KCP: variants seen among roughly 807,000 people sequenced by gnomAD.
The protein encoded by KCP is kielin/chordin-like protein.
In KCP, 194 loss-of-function variants were observed where a neutral mutation model predicts 212.7. That is an observed-to-expected ratio of 0.91 (90% CI 0.81 to 1.03). The LOEUF is 1.03. Among genes scored for constraint, KCP ranks in the 50% least tolerant of loss-of-function variants. The pLI, the probability that KCP is intolerant of heterozygous loss-of-function variation, is 0.00. For missense variants in KCP, 2,080 were observed against 2,162.5 expected, an observed-to-expected ratio of 0.96 and a Z score of 0.76; for synonymous variants, 833 against 865.3, an observed-to-expected ratio of 0.96 and a Z score of 0.65.
At position 128,892,549 on chromosome 7, in the gene KCP, T is replaced by C; in HGVS notation, c.1586A>G (p.Gln529Arg). The C allele has an allele frequency of 6.5e-7, 1 of 1,548,074 alleles. No individual in the cohort carries two copies. Among genetic ancestry groups the C allele is most frequent in the Non-Finnish European group, 8.7e-7 (1 of 1,144,852 alleles). ...GGGGCAACACTGGCCTGGTCCACTC[T>C]GGGGCCTGGCACAGGTCGTGGGAGG... Reference protein sequence around the residue: ...DCPPTTCARPQSGPGQCCPRC... With the variant: ...DCPPTTCARPRSGPGQCCPRC... The change falls in exon 16 of 40, where the codon CAG (glutamine) becomes CGG (arginine). Residue 529 changes from glutamine to arginine, a missense_variant. By Grantham distance (43) the Gln-to-Arg change is conservative (BLOSUM62 1). Coordinates refer to ENST00000610776, the MANE Select transcript of KCP (RefSeq NM_001366122.1).
intron 1 of KCP, among the ~76,000 whole-genome samples, chr7:128,910,330 C>G (rs1795365563): frequency 6.6e-6 from 1 of 152,228 alleles, no homozygotes; most frequent in African/African-American, 2.4e-5. Flanking sequence ...AAATAATTAA[C>G]TTCAGACTCC....
Position 128,881,968 on chromosome 7 carries a change from G to T in KCP, c.3293C>A (p.Pro1098Gln). 1 of 1,551,362 alleles carries T rather than the reference G, an allele frequency of 6.4e-7. No individual in the cohort carries two copies. The highest frequency in any genetic ancestry group is 1.4e-5 in the African/African-American group (1 of 73,132). Residue 1098 changes from proline to glutamine, a missense_variant, in exon 30 of 40, where the codon CCA becomes CAA. Coordinates refer to ENST00000610776, the MANE Select transcript of KCP (RefSeq NM_001366122.1). ...SEGLLGSELAPPDPCYTCQCQ... is the reference protein window; with the variant it reads ...SEGLLGSELAQPDPCYTCQCQ... ...CTGGCACGTGTAGCAGGGGTCTGGT[G>T]GGGCTAGCTCAGATCCCAGCAGGCC... is the stretch of plus-strand genomic sequence containing the variant.
chr7:128,893,197 G>A, intron 13 of KCP, 41 bp downstream of exon 13: 4 of 1,536,724 alleles, frequency 2.6e-6, no homozygotes, highest in Non-Finnish European at 3.5e-6. Context: ...GCCCTCAGAG[G>A]CAGCGCCCAT....
chr7:128,892,530 AC>A lies in KCP; in HGVS notation c.1604del (p.Cys535PhefsTer92). On this transcript the variant is annotated frameshift_variant, in exon 16 of 40. Coordinates refer to ENST00000610776, the MANE Select transcript of KCP (RefSeq NM_001366122.1). LOFTEE classifies it high-confidence loss of function. ...CARPQSGPGQ[C>X]CPRCPDCILE... ...CCCACATACCTGGGCACCTGGGGCA[AC>A]ACTGGCCTGGTCCACTCTGGGGCCT... The A allele has an allele frequency of 1.3e-6, 2 of 1,539,190 alleles. No homozygotes were observed. The highest frequency in any genetic ancestry group is 2.4e-5 in the South Asian group (2 of 81,848).
chr7:128,894,026 T>C lies in KCP; in HGVS notation c.955A>G (p.Ser319Gly). Residue 319 changes from serine (S) to glycine (G), a missense_variant, in exon 10 of 40, where the codon AGC (serine) becomes GGC (glycine). Coordinates refer to ENST00000610776, the MANE Select transcript of KCP (RefSeq NM_001366122.1). ...GCFLNGREHR[S>G]GEPVGSGDPC... ...TCCCCTGAGCCCACAGGCTCCCCGC[T>C]GCGGTGCTCCCGCCCGTTTAGGAAA... 1 of 1,550,106 alleles carries C rather than the reference T, an allele frequency of 6.5e-7. No individual in the cohort carries two copies. The highest frequency in any genetic ancestry group is 8.7e-7 in the Non-Finnish European group (1 of 1,146,416).
intron 21 of KCP, chr7:128,890,043 C>T: frequency 2.5e-6 from 1 of 405,778 alleles, no homozygotes; most frequent in South Asian, 2.4e-5. Context: ...CCACCTCAGC[C>T]TCCGGAGTAG....
At position 128,894,191 on chromosome 7, in the gene KCP, C is replaced by A; in HGVS notation, c.925+9G>T. ...CATGGTCAGGCCTCTGCCCTACCCA[C>A]TGACTCACCATCACACACAGGGCAG... is the stretch of plus-strand genomic sequence containing the variant. On this transcript the variant is annotated intron_variant, in intron 9 of 39. Coordinates refer to ENST00000610776, the MANE Select transcript of KCP (RefSeq NM_001366122.1). 6.6e-7 allele frequency: 1 copy of A among 1,520,648 alleles called. No individual in the cohort carries two copies. Among genetic ancestry groups the A allele is most frequent in the Non-Finnish European group, 8.9e-7 (1 of 1,127,500 alleles). 94.2% of individuals were successfully genotyped at this position (1,520,648 alleles called of 1,614,324 possible). A position where few individuals can be genotyped will look rare whatever the true frequency, so the allele number is the denominator to read the frequency against.
intron 18 of KCP, 79 bp downstream of exon 18, chr7:128,891,372 C>T (rs1309250576): frequency 1.3e-6 from 2 of 1,546,960 alleles, no homozygotes; most frequent in Non-Finnish European, 1.7e-6. Context: ...CCACCCCTCC[C>T]ACCTGGGCGG....
At chr7:128,885,065 G>A (rs1465157756) in intron 27 of KCP, 32 bp downstream of exon 27, 5 of 1,550,162 alleles carry the variant, frequency 3.2e-6, no homozygotes, top group Admixed American at 3.9e-5. Context: ...CTCCCTCCTC[G>A]CCTTTCCCCT....
chr7:128,892,387 G>T, intron 16 of KCP, 127 bp downstream of exon 16: 2 of 677,372 alleles, frequency 3.0e-6, no homozygotes, highest in Non-Finnish European at 5.0e-6. Flanking sequence ...AGAGTTCTAA[G>T]CTCTGAAACA....
chr7:128,894,894 C>A (rs1794424666), intron 8 of KCP, among the ~76,000 whole-genome samples: 1 of 152,164 alleles, frequency 6.6e-6, no homozygotes, highest in African/African-American at 2.4e-5. Flanking sequence ...AGGTGTGAGC[C>A]ACTGTTCCAG....
chr7:128,887,354 T>TCACA, intron 22 of KCP, 54 bp from the exon 23 acceptor site: 1 of 1,289,210 alleles, frequency 7.8e-7, no homozygotes, highest in Non-Finnish European at 1.1e-6. Flanking sequence ...ACCTCCACTG[T>TCACA]CACACACACA....
intron 1 of KCP, among the ~76,000 whole-genome samples, chr7:128,909,332 C>T (rs917137508): frequency 1.3e-5 from 2 of 152,136 alleles, no homozygotes; most frequent in African/African-American, 2.4e-5. Flanking sequence ...GGGTCTTTCC[C>T]ACCATGGCAG....
chr7:128,880,468 A>G lies in KCP; in HGVS notation c.3677T>C (p.Val1226Ala). Residue 1226 changes from valine to alanine, a missense_variant, in exon 34 of 40, where the codon GTG becomes GCG. Transcript: ENST00000610776. ...REVASGERWT[V>A]DTCTSCSCMA... ...GCAGGAGCAGCTGGTGCAGGTGTCCACAGTCCAGCGCTCTCCAGAGGCCAC... is the reference window on the plus strand; with the variant it reads ...GCAGGAGCAGCTGGTGCAGGTGTCCGCAGTCCAGCGCTCTCCAGAGGCCAC... 6.5e-7 allele frequency: 1 copy of G among 1,546,654 alleles called. No individual in the cohort carries two copies. The highest frequency in any genetic ancestry group is 8.7e-7 in the Non-Finnish European group (1 of 1,144,858).
At chr7:128,908,663 G>T in intron 1 of KCP, 95 bp from the exon 2 acceptor site, 1 of 1,345,660 alleles carries the variant, frequency 7.4e-7, no homozygotes, top group Non-Finnish European at 1.0e-6. Context: ...GGGGAAGGGG[G>T]TCATCCTGTG....
rs1025140983 is a variant in KCP, at chr7:128,880,605, C to T, written c.3616+14G>A. 2 of 1,284,104 alleles carry T rather than the reference C, an allele frequency of 1.6e-6. No individual in the cohort carries two copies. Among genetic ancestry groups the T allele is most frequent in the Non-Finnish European group, 2.0e-6 (2 of 985,644 alleles). 79.5% of individuals were successfully genotyped at this position (1,284,104 alleles called of 1,614,324 possible). On this transcript the variant is annotated intron_variant, in intron 33 of 39. Transcript: ENST00000610776. ...GGTCTGGCTTACCCCTCCCCCATCACCCTGGCTGCGCACCTTGGCATCGCT... is the reference window on the plus strand; with the variant it reads ...GGTCTGGCTTACCCCTCCCCCATCATCCTGGCTGCGCACCTTGGCATCGCT...
At chr7:128,880,829 C>T (rs1793284903) in intron 32 of KCP, 108 bp from the exon 33 acceptor site, 10 of 402,490 alleles carry the variant, frequency 2.5e-5, no homozygotes, top group Middle Eastern at 6.2e-4. Context: ...TCCCACAATA[C>T]ATTCTTCACA....
At chr7:128,893,076 C>T (rs1794277465) in intron 13 of KCP, 55 bp from the exon 14 acceptor site, 1 of 906,040 alleles carries the variant, frequency 1.1e-6, no homozygotes, top group African/African-American at 1.6e-5. Flanking sequence ...CCATCCCTGT[C>T]CTTCCCAGGA....
At chr7:128,903,279 A>C in intron 7 of KCP, 1 of 264,578 alleles carries the variant, frequency 3.8e-6, no homozygotes, top group Non-Finnish European at 7.2e-6. Flanking sequence ...CCACCTGGGG[A>C]CCAGCTGCCT....
Sources: gnomAD v4.1 joint callset for allele counts (sites outside exome capture counted in the v4.1 genomes callset) on GRCh38, gnomAD v4.1.1 for gene constraint, MANE v1.5 for transcripts, NCBI Gene and HGNC (gene_info 2026-07-23, HGNC 2026-07-21) for gene names.